Variants in PLCG2 observed in about 807,000 individuals in gnomAD.
PLCG2 encodes the protein 1-phosphatidylinositol 4,5-bisphosphate phosphodiesterase gamma-2.
A neutral mutation model predicts 175.6 loss-of-function variants in PLCG2; 69 were observed. That is an observed-to-expected ratio of 0.39 (90% CI 0.32 to 0.48). The LOEUF is 0.48. Among genes scored for constraint, PLCG2 ranks in the 20% least tolerant of loss-of-function variants. PLCG2 has a pLI of 0.91. For synonymous variants in PLCG2, 827 were observed against 624.0 expected (o/e 1.33, Z -4.85); for missense variants, 1,798 against 1,650.9 (o/e 1.09, Z -1.54).
At chr16:81,952,926 C>G (rs1221166854) in intron 31 of PLCG2, among the ~76,000 whole-genome samples, 1 of 152,200 alleles carries the variant, frequency 6.6e-6, no homozygotes, top group Non-Finnish European at 1.5e-5. Context: ...CGGATAGACC[C>G]TGCAGCTACC....
intron 2 of PLCG2, among the ~76,000 whole-genome samples, chr16:81,806,327 C>T (rs1052655078): frequency 6.6e-6 from 1 of 152,054 alleles, no homozygotes; most frequent in African/African-American, 2.4e-5. Context: ...CATAGTGGTG[C>T]TCCCTGTGTG....
Position 81,919,566 on chromosome 16 carries a change from C to T in PLCG2, c.2137C>T (p.Leu713=), listed in dbSNP as rs1357355420. The T allele has an allele frequency of 3.1e-6, 5 of 1,614,062 alleles. No individual in the cohort carries two copies. In the South Asian group the frequency reaches 4.4e-5, roughly 14 times the overall value. Residue 713 remains leucine (L), a synonymous_variant, in exon 20 of 33, where the codon CTG becomes TTG. Transcript: ENST00000564138. ...VLGTSAYFES[L]VELVSYYEKH... is the part of the protein sequence containing the mutation. ...GGGGACCTCCGCCTATTTTGAGAGT[C>T]TGGTGGAGCTCGTCAGTTACTACGA... is the stretch of plus-strand genomic sequence containing the variant.
intron 21 of PLCG2, 83 bp downstream of exon 21, chr16:81,921,352 A>G (rs1567533615): frequency 1.1e-6 from 1 of 940,442 alleles, no homozygotes. Flanking sequence ...GGCAGTTATA[A>G]CAGGGCAAGG....
intron 22 of PLCG2, among the ~76,000 whole-genome samples, chr16:81,926,498 G>A (rs1910281494): frequency 6.6e-6 from 1 of 152,176 alleles, no homozygotes; most frequent in Admixed American, 6.5e-5. Context: ...TATAAAGATA[G>A]GGAACAATGT....
At chr16:81,752,648 A>C (rs955916645) in intron 1 of PLCG2, among the ~76,000 whole-genome samples, 115 of 152,198 alleles carry the variant, frequency 7.6e-4, no homozygotes, top group African/African-American at 2.6e-3. Context: ...GCCAGAACAG[A>C]ATCACTGACC....
rs1910133688 is a variant in PLCG2, at chr16:81,923,352, C to G, written c.2308-133C>G. On this transcript the variant is annotated intron_variant, in intron 21 of 32. Coordinates refer to ENST00000564138, the MANE Select transcript of PLCG2 (RefSeq NM_002661.5). ...CTTTGCAATGCCAGTCCCTCTCCAG[C>G]AGATGACTTTGTAACCTTGGCCTGA... The G allele has an allele frequency of 5.0e-6, 3 of 597,994 alleles. No individual in the cohort carries two copies. The African/African-American group carries it at 5.5e-5, about 11-fold the overall frequency. The allele number at this position is 597,994 out of a possible 1,614,324, so 37.0% of individuals were successfully genotyped here.
At chr16:81,841,430 A>G (rs1166834929) in intron 2 of PLCG2, among the ~76,000 whole-genome samples, 2 of 152,170 alleles carry the variant, frequency 1.3e-5, no homozygotes, top group East Asian at 3.9e-4. Flanking sequence ...TAGTAGAGAC[A>G]GCATTTCACT....
In PLCG2 at chr16:81,927,167, C is replaced by A. The variant is rs186829827; in HGVS notation, c.2503C>A (p.Leu835Ile). The A allele has an allele frequency of 4.2e-5, 67 of 1,610,880 alleles. No homozygotes were observed. The highest frequency in any genetic ancestry group is 1.7e-4 in the Middle Eastern group (1 of 6,058). ...CATCTCAACTGCAGACTTCGAGGAG[C>A]TAGAAAAGCAGGTGAGTCCCCCTCT... ...EDISTADFEE[L>I]EKQIIEDNPL... The change falls in exon 23 of 33, where the codon CTA (leucine) becomes ATA (isoleucine). Residue 835 changes from leucine (L) to isoleucine (I), a missense_variant. Leu to Ile is a conservative substitution (Grantham distance 5, BLOSUM62 2). Transcript: ENST00000564138.
At chr16:81,801,176 T>G (rs1379813540) in intron 2 of PLCG2, among the ~76,000 whole-genome samples, 1 of 152,200 alleles carries the variant, frequency 6.6e-6, no homozygotes, top group Non-Finnish European at 1.5e-5. Context: ...TGAGAATAAA[T>G]AACCCCCAAC....
At chr16:81,856,324 G>T (rs1027909367) in intron 3 of PLCG2, among the ~76,000 whole-genome samples, 2 of 152,176 alleles carry the variant, frequency 1.3e-5, no homozygotes, top group African/African-American at 4.8e-5. Flanking sequence ...CAGGTGAGAT[G>T]AGGCACAGAG....
intron 3 of PLCG2, among the ~76,000 whole-genome samples, chr16:81,857,190 T>G (rs1339527263): frequency 6.6e-6 from 1 of 152,220 alleles, no homozygotes; most frequent in East Asian, 1.9e-4. Flanking sequence ...TGTTGATGTC[T>G]CCGTCATCCC....
chr16:81,860,194 G>A (rs896437708), intron 5 of PLCG2, among the ~76,000 whole-genome samples: 8 of 116,030 alleles, frequency 6.9e-5, no homozygotes, highest in South Asian at 2.7e-4. Context: ...TTTTGTAAAG[G>A]TGAAGTCTTA....
chr16:81,752,869 C>A (rs909680190), intron 1 of PLCG2, among the ~76,000 whole-genome samples: 1 of 152,224 alleles, frequency 6.6e-6, no homozygotes, highest in Non-Finnish European at 1.5e-5. Flanking sequence ...CTATGAAAGA[C>A]GTGGCTCCAG....
intron 2 of PLCG2, among the ~76,000 whole-genome samples, chr16:81,760,258 G>T (rs1445017057): frequency 6.6e-6 from 1 of 152,188 alleles, no homozygotes; most frequent in Non-Finnish European, 1.5e-5. Flanking sequence ...GGGATTGCTC[G>T]AGTAGAGCAG....
At chr16:81,825,159 A>C (rs1367252125) in intron 2 of PLCG2, among the ~76,000 whole-genome samples, 1 of 152,116 alleles carries the variant, frequency 6.6e-6, no homozygotes, top group Non-Finnish European at 1.5e-5. Context: ...AAGATGGTAA[A>C]TTTGTGTTGT....
intron 2 of PLCG2, among the ~76,000 whole-genome samples, chr16:81,757,468 G>A (rs1294810075): frequency 6.6e-6 from 1 of 152,064 alleles, no homozygotes; most frequent in Non-Finnish European, 1.5e-5. Flanking sequence ...GGAGGCTGAG[G>A]CAAGAGAATC....
chr16:81,952,032 T>C (rs1809941801), intron 31 of PLCG2, among the ~76,000 whole-genome samples: 1 of 152,048 alleles, frequency 6.6e-6, no homozygotes, highest in Admixed American at 6.5e-5. Flanking sequence ...AACAGAAATG[T>C]GGTGTGGGAG....
intron 30 of PLCG2, among the ~76,000 whole-genome samples, chr16:81,940,460 G>T (rs776168662): frequency 6.0e-4 from 87 of 146,114 alleles, no homozygotes; most frequent in Non-Finnish European, 1.1e-3. Context: ...GGCATCTTGG[G>T]GGGGGAGTAA....
intron 7 of PLCG2, among the ~76,000 whole-genome samples, chr16:81,873,553 G>GT (rs71712849): frequency 0.064 from 9,341 of 145,912 alleles, 285 homozygotes; most frequent in Middle Eastern, 0.13. Context: ...GCAAATAACA[G>GT]TTTTTTTTTT....
Sources: gnomAD v4.1 joint callset for allele counts (sites outside exome capture counted in the v4.1 genomes callset) on GRCh38, gnomAD v4.1.1 for gene constraint, MANE v1.5 for transcripts, NCBI Gene and HGNC (gene_info 2026-07-23, HGNC 2026-07-21) for gene names.